Variants in PLEKHA1 observed in about 807,000 individuals in gnomAD.
PLEKHA1 encodes the protein pleckstrin homology domain containing A1, also known as pleckstrin homology domain-containing family A member 1.
Under a neutral mutation model 52.0 loss-of-function variants are expected in PLEKHA1, and 34 were observed. The observed-to-expected ratio is 0.65, with a 90% CI of 0.50 to 0.87. The LOEUF (loss-of-function observed/expected upper bound fraction) is 0.87, where lower values mean the gene tolerates loss of function less well. Ranked by LOEUF, PLEKHA1 falls within the 40% of genes least tolerant of loss-of-function variation. The probability of loss-of-function intolerance (pLI) is 0.00; values close to 1 mark genes in which losing one functional copy is unlikely to be tolerated. For missense variants in PLEKHA1, 497 were observed against 504.2 expected (o/e 0.99, Z 0.14); for synonymous variants, 163 against 170.7 (o/e 0.95, Z 0.35).
intron 3 of PLEKHA1, 140 bp downstream of exon 3, chr10:122,398,114 C>A: frequency 1.6e-6 from 1 of 614,392 alleles, no homozygotes; most frequent in Non-Finnish European, 2.8e-6. Context: ...TACCTGATTA[C>A]TACGTTTAGG....
intron 10 of PLEKHA1, chr10:122,425,866 C>G (rs972992056): frequency 1.3e-5 from 2 of 151,990 alleles, no homozygotes; most frequent in Non-Finnish European, 2.9e-5. Context: ...GGCAACCATT[C>G]TTATGATTTT....
intron 2 of PLEKHA1, among the ~76,000 whole-genome samples, chr10:122,394,734 A>G (rs1329602719): frequency 2.0e-5 from 3 of 152,198 alleles, no homozygotes; most frequent in African/African-American, 7.2e-5. Context: ...CCTCACCCAT[A>G]TGAGCCATTG....
chr10:122,375,208 C>T (rs566388365), intron 1 of PLEKHA1, among the ~76,000 whole-genome samples: 1 of 152,066 alleles, frequency 6.6e-6, no homozygotes, highest in Non-Finnish European at 1.5e-5. Context: ...AGAAATCCCG[C>T]TCGGGGCGCG....
chr10:122,401,579 A>G (rs940196074), intron 4 of PLEKHA1, among the ~76,000 whole-genome samples: 2 of 152,136 alleles, frequency 1.3e-5, no homozygotes, highest in Non-Finnish European at 2.9e-5. Context: ...ATAGGGTAAA[A>G]TGTTTGCTAT....
intron 9 of PLEKHA1, 62 bp from the exon 10 acceptor site, chr10:122,424,834 C>A: frequency 2.8e-6 from 4 of 1,419,484 alleles, no homozygotes; most frequent in Non-Finnish European, 3.9e-6. Context: ...ACTGGGTAAA[C>A]AAATGAAAGA....
chr10:122,386,216 T>A (rs973118278), intron 1 of PLEKHA1, among the ~76,000 whole-genome samples: 1 of 152,208 alleles, frequency 6.6e-6, no homozygotes, highest in Admixed American at 6.5e-5. Flanking sequence ...TGGTTTTTAT[T>A]TGCATTCACT....
At chr10:122,375,006 C>A (rs2096502529) in intron 1 of PLEKHA1, 200 bp downstream of exon 1, 1 of 151,976 alleles carries the variant, frequency 6.6e-6, no homozygotes, top group African/African-American at 2.4e-5. Context: ...CCGCGCCACG[C>A]GCCACAGCAC....
Position 122,429,956 on chromosome 10 carries a change from C to G in PLEKHA1, c.*18C>G, listed in dbSNP as rs755480994. 2.9e-5 allele frequency: 46 copies of G among 1,588,558 alleles called. No individual in the cohort carries two copies. The highest frequency in any genetic ancestry group is 1.7e-4 in the Middle Eastern group (1 of 5,920). ...ACGTGTGAGGCAGAAGCGCACGGAGCCTGCCTGCCTCTGCCGTCCTCAGTT... is the reference window on the plus strand; with the variant it reads ...ACGTGTGAGGCAGAAGCGCACGGAGGCTGCCTGCCTCTGCCGTCCTCAGTT... On this transcript the variant is annotated 3_prime_UTR_variant, in exon 12 of 12. Coordinates refer to ENST00000368990, the MANE Select transcript of PLEKHA1 (RefSeq NM_001001974.4).
intron 6 of PLEKHA1, 100 bp downstream of exon 6, chr10:122,413,145 A>T: frequency 2.0e-6 from 2 of 981,712 alleles, no homozygotes; most frequent in Non-Finnish European, 2.8e-6. Flanking sequence ...AATTGGTATA[A>T]TATACAATTA....
In PLEKHA1 at chr10:122,429,941, C is replaced by T; in HGVS notation, c.*3C>T. On this transcript the variant is annotated 3_prime_UTR_variant, in exon 12 of 12. Transcript: ENST00000368990. ...GCCTTCCGGTCAGTGACGTGTGAGG[C>T]AGAAGCGCACGGAGCCTGCCTGCCT... 1 of 1,604,962 alleles carries T rather than the reference C, an allele frequency of 6.2e-7. No individual in the cohort carries two copies. Among genetic ancestry groups the T allele is most frequent in the Non-Finnish European group, 8.5e-7 (1 of 1,174,848 alleles).
At chr10:122,376,034 C>G (rs2096529718) in intron 1 of PLEKHA1, among the ~76,000 whole-genome samples, 1 of 152,150 alleles carries the variant, frequency 6.6e-6, no homozygotes, top group Admixed American at 6.5e-5. Context: ...TTTATTTTCC[C>G]AAGTACTCAG....
intron 1 of PLEKHA1, among the ~76,000 whole-genome samples, chr10:122,381,446 C>T (rs2096612994): frequency 6.6e-6 from 1 of 152,196 alleles, no homozygotes; most frequent in African/African-American, 2.4e-5. Flanking sequence ...ACTTTCTGTT[C>T]TCATGATAGT....
chr10:122,375,207 G>T (rs946760049), intron 1 of PLEKHA1, among the ~76,000 whole-genome samples: 2 of 152,048 alleles, frequency 1.3e-5, no homozygotes, highest in African/African-American at 4.8e-5. Context: ...GAGAAATCCC[G>T]CTCGGGGCGC....
At chr10:122,408,874 A>C (rs1251360767) in intron 5 of PLEKHA1, among the ~76,000 whole-genome samples, 2 of 152,206 alleles carry the variant, frequency 1.3e-5, no homozygotes, top group Non-Finnish European at 2.9e-5. Flanking sequence ...TACTTAATAC[A>C]TAAATCTTTC....
chr10:122,405,465 G>T (rs1229064272), intron 4 of PLEKHA1, among the ~76,000 whole-genome samples: 1 of 151,906 alleles, frequency 6.6e-6, no homozygotes, highest in Non-Finnish European at 1.5e-5. Flanking sequence ...CAAAATAAAT[G>T]CAGATGGCCA....
the PLEKHA1 span, chr10:122,439,533 A>C: frequency 6.6e-6 from 1 of 152,084 alleles, no homozygotes; most frequent in African/African-American, 2.4e-5. Context: ...TGAGGTCAGG[A>C]GTTCGAGACT....
chr10:122,429,553 C>T, intron 11 of PLEKHA1, 71 bp from the exon 12 acceptor site: 2 of 1,328,110 alleles, frequency 1.5e-6, no homozygotes, highest in East Asian at 2.3e-5. Context: ...TTCAGAGAAT[C>T]AAGTCTCACA....
At chr10:122,416,416 G>GT (rs1554930730) in intron 7 of PLEKHA1, among the ~76,000 whole-genome samples, 2 of 152,182 alleles carry the variant, frequency 1.3e-5, no homozygotes, top group Non-Finnish European at 2.9e-5. Context: ...GACCTCCGTG[G>GT]TAAGCTCTCT....
intron 1 of PLEKHA1, among the ~76,000 whole-genome samples, chr10:122,386,361 A>G (rs1043901348): frequency 6.6e-6 from 1 of 151,790 alleles, no homozygotes. Context: ...GAATTGTAAT[A>G]ATTACCTGCC....
Sources: allele counts gnomAD v4.1 joint callset (sites outside exome capture counted in the v4.1 genomes callset), GRCh38; gene constraint gnomAD v4.1.1; transcripts MANE v1.5; gene names NCBI Gene and HGNC (gene_info 2026-07-23, HGNC 2026-07-21).